Variants in METTL16 observed in about 807,000 individuals in gnomAD.
METTL16 encodes methyltransferase 16, RNA N6-adenosine, also known as RNA N(6)-adenosine-methyltransferase METTL16.
In METTL16, 19 loss-of-function variants were observed where a neutral mutation model predicts 57.9. The observed-to-expected ratio is 0.33, with a 90% CI of 0.23 to 0.48. METTL16 has a LOEUF of 0.48. Ranked by LOEUF, METTL16 falls within the 20% of genes least tolerant of loss-of-function variation. The pLI is 0.99. For missense variants in METTL16, 434 were observed against 691.5 expected (o/e 0.63, Z 4.18); for synonymous variants, 246 against 255.6 (o/e 0.96, Z 0.36).
rs752284237 is a variant in METTL16, at chr17:2,420,746, A to G, written c.1047T>C (p.Ile349=). The change falls in exon 9 of 10, where the codon ATT becomes ATC. Residue 349 remains isoleucine, a synonymous_variant. Transcript: ENST00000263092. This position sits in a 1 kb window ranked among gnomAD's most constrained non-coding sequence, Gnocchi z 5.4. ...IVVVTTWIEK[I]LTDLKVQHKR... Reference sequence around the variant, plus strand: ...AAGCAGGTACCTTCAAATCAGTGAGAATTTTTTCAATCCATGTCGTGACAA... The same window carrying G: ...AAGCAGGTACCTTCAAATCAGTGAGGATTTTTTCAATCCATGTCGTGACAA... The G allele has an allele frequency of 2.5e-6, 4 of 1,613,312 alleles. No individual in the cohort carries two copies. The highest frequency in any genetic ancestry group is 3.4e-6 in the Non-Finnish European group (4 of 1,179,774).
At chr17:2,440,970 C>CAAAAAAAAAAA (rs760521188) in intron 7 of METTL16, among the ~76,000 whole-genome samples, 11 of 34,040 alleles carry the variant, frequency 3.2e-4, no homozygotes, top group Non-Finnish European at 6.9e-4. Context: ...GACTTGATCT[C>CAAAAAAAAAAA]AAAAAAAAAA....
At chr17:2,440,407 C>T (rs1011521375) in intron 7 of METTL16, among the ~76,000 whole-genome samples, 1 of 152,030 alleles carries the variant, frequency 6.6e-6, no homozygotes, top group Non-Finnish European at 1.5e-5. Context: ...TGCCACCATG[C>T]CCGGCTAATT....
At chr17:2,482,801 C>G (rs2067316227) in intron 2 of METTL16, among the ~76,000 whole-genome samples, 1 of 152,068 alleles carries the variant, frequency 6.6e-6, no homozygotes, top group African/African-American at 2.4e-5. Flanking sequence ...CCTGCGGTCC[C>G]CGCTACGCAG....
intron 8 of METTL16, among the ~76,000 whole-genome samples, chr17:2,434,638 G>C (rs2066896865): frequency 6.6e-6 from 1 of 152,192 alleles, no homozygotes; most frequent in East Asian, 1.9e-4. Flanking sequence ...GCCCCACCCT[G>C]GGGCACCTAC....
intron 8 of METTL16, among the ~76,000 whole-genome samples, chr17:2,422,683 C>T (rs1373862865): frequency 6.6e-6 from 1 of 151,176 alleles, no homozygotes; most frequent in Admixed American, 6.6e-5. Flanking sequence ...GAATTTCTTT[C>T]TTTAAAGTAG....
rs536565729 is a variant in METTL16, at chr17:2,503,798, G to A, written c.1-1467C>T. 3.1e-4 allele frequency among the ~76,000 whole-genome samples: 41 copies of A among 133,198 alleles called. 1 individual carries two copies. Among genetic ancestry groups the A allele is most frequent in the Non-Finnish European group, 3.9e-4 (24 of 61,338 alleles). 87.4% of individuals were successfully genotyped at this position (133,198 alleles called of 152,430 possible). A position where few individuals can be genotyped will look rare whatever the true frequency, so the allele number is the denominator to read the frequency against. On this transcript the variant is annotated intron_variant, in intron 1 of 9. Transcript: ENST00000263092. ...AAACAAAACATGGTATATCCATACA[G>A]TAAATATGGATCAACAAAATACGGT...
In METTL16 at chr17:2,499,351, T is replaced by A. The variant is rs74812816; in HGVS notation, c.128+2853A>T. ...TATATCTTTTTTTTTTTTTTTTTTTTAATTACAGGATTTCGCTATGTTGCC... is the reference window on the plus strand; with the variant it reads ...TATATCTTTTTTTTTTTTTTTTTTTAAATTACAGGATTTCGCTATGTTGCC... On this transcript the variant is annotated intron_variant, in intron 2 of 9. Coordinates refer to ENST00000263092, the MANE Select transcript of METTL16 (RefSeq NM_024086.4). 1.2e-4 allele frequency among the ~76,000 whole-genome samples: 18 copies of A among 147,222 alleles called. No individual in the cohort carries two copies. The East Asian group carries it at 1.6e-3, about 13-fold the overall frequency.
At chr17:2,501,726 C>T (rs1021182176) in intron 2 of METTL16, among the ~76,000 whole-genome samples, 17 of 151,872 alleles carry the variant, frequency 1.1e-4, no homozygotes, top group East Asian at 3.9e-4. Context: ...AGTGTGGTGG[C>T]GGGCGCCTGT....
intron 1 of METTL16, among the ~76,000 whole-genome samples, chr17:2,503,685 CAATA>C (rs1260321516): frequency 6.6e-6 from 1 of 151,542 alleles, no homozygotes; most frequent in Non-Finnish European, 1.5e-5. Flanking sequence ...TATATCCATA[CAATA>C]AATATGGATC....
chr17:2,469,817 G>A (rs952771956), intron 4 of METTL16, among the ~76,000 whole-genome samples: 1 of 152,006 alleles, frequency 6.6e-6, no homozygotes, highest in Non-Finnish European at 1.5e-5. Flanking sequence ...CACCGCACCC[G>A]GCCTATGTAC....
chr17:2,495,306 G>A (rs2067434978), intron 2 of METTL16, among the ~76,000 whole-genome samples: 1 of 152,032 alleles, frequency 6.6e-6, no homozygotes, highest in African/African-American at 2.4e-5. Flanking sequence ...ACTCTAGCCT[G>A]GGCAACAGAG....
rs995680552 is a variant in METTL16 at position 2,468,891 on chromosome 17, TAAAA to T, written c.470-1019_470-1016del. Among the ~76,000 whole-genome samples the T allele has an allele frequency of 4.7e-5, 7 of 150,122 alleles. No individual in the cohort carries two copies. The East Asian group carries it at 1.4e-3, about 29-fold the overall frequency. ...TGACAGAGTGAGACCCTGTCTCTAA[TAAAA>T]AAATGTTTTTTTTTTGTTGTTGTGT... On this transcript the variant is annotated intron_variant, in intron 4 of 9. Transcript: ENST00000263092.
intron 8 of METTL16, among the ~76,000 whole-genome samples, chr17:2,432,589 T>C (rs2066881379): frequency 6.6e-6 from 1 of 151,782 alleles, no homozygotes; most frequent in Non-Finnish European, 1.5e-5. Context: ...AAAATTAAGC[T>C]TGGTGGAATT....
In METTL16 at chr17:2,452,045, T is replaced by C. The variant is rs189650430; in HGVS notation, c.729-10486A>G. ...CCAGCTACTAGGGGGGCTGAGGTGA[T>C]AGGATCGCTTGAGCCTGGGAGGTCA... is the stretch of plus-strand genomic sequence containing the variant. On this transcript the variant is annotated intron_variant, in intron 6 of 9. Transcript: ENST00000263092. Among the ~76,000 whole-genome samples the C allele has an allele frequency of 1.6e-3, 232 of 148,600 alleles. 3 individuals carry two copies. The highest frequency in any genetic ancestry group is 5.4e-3 in the African/African-American group (214 of 39,916).
At chr17:2,428,606 T>TA (rs2066843901) in intron 8 of METTL16, among the ~76,000 whole-genome samples, 1 of 64,446 alleles carries the variant, frequency 1.6e-5, no homozygotes, top group African/African-American at 6.5e-5. Context: ...TATATATAAA[T>TA]TGTAATACAG....
chr17:2,462,889 C>T (rs908722836), intron 6 of METTL16, among the ~76,000 whole-genome samples: 3 of 152,148 alleles, frequency 2.0e-5, no homozygotes, highest in Non-Finnish European at 2.9e-5. Flanking sequence ...ATAAATAAAA[C>T]CTTCCCTATG....
At chr17:2,424,218 A>T (rs540463004) in intron 8 of METTL16, 1 of 148,704 alleles carries the variant, frequency 6.7e-6, no homozygotes, top group Non-Finnish European at 1.5e-5. Context: ...GGTTCACGCC[A>T]TTCTCCTGCC....
chr17:2,469,038 C>T (rs996119432), intron 4 of METTL16, among the ~76,000 whole-genome samples: 10 of 152,186 alleles, frequency 6.6e-5, no homozygotes, highest in Admixed American at 4.6e-4. Flanking sequence ...AGTTCGAGAC[C>T]TGCCTGGCCA....
intron 1 of METTL16, among the ~76,000 whole-genome samples, chr17:2,507,527 C>T (rs1391553086): frequency 6.6e-6 from 1 of 150,724 alleles, no homozygotes; most frequent in Admixed American, 6.6e-5. Context: ...CCCGCCCGGC[C>T]AGCCGCCCCA....
Sources: allele counts gnomAD v4.1 joint callset (sites outside exome capture counted in the v4.1 genomes callset), GRCh38; gene constraint gnomAD v4.1.1; non-coding constraint Gnocchi (gnomAD v3.1); transcripts MANE v1.5; gene names NCBI Gene and HGNC (gene_info 2026-07-23, HGNC 2026-07-21).